Variants in POLK observed in about 807,000 individuals in gnomAD.
The protein encoded by POLK is polymerase (DNA directed) kappa.
In POLK, 76 loss-of-function variants were observed where a neutral mutation model predicts 94.0. The observed-to-expected ratio is 0.81, with a 90% CI of 0.67 to 0.98. The LOEUF (loss-of-function observed/expected upper bound fraction) is 0.98, where lower values mean the gene tolerates loss of function less well. Among genes scored for constraint, POLK ranks in the 50% least tolerant of loss-of-function variants. The pLI is 0.00. For missense variants in POLK, 954 were observed against 1,010.1 expected, an observed-to-expected ratio of 0.94 and a Z score of 0.75; for synonymous variants, 349 against 325.4, an observed-to-expected ratio of 1.07 and a Z score of -0.78.
At chr5:75,599,351 C>T (rs1236800409) in exon 15 of POLK, 3 of 152,012 alleles carry the variant, frequency 2.0e-5, no homozygotes, top group African/African-American at 7.2e-5. Flanking sequence ...TTTCTCTCCC[C>T]TTGCGTTTCA....
At chr5:75,543,014 T>C (rs1561353448) in intron 1 of POLK, among the ~76,000 whole-genome samples, 1 of 125,128 alleles carries the variant, frequency 8.0e-6, no homozygotes, top group South Asian at 2.9e-4. Flanking sequence ...CCCAGCCTTA[T>C]TTATTTATTT....
intron 6 of POLK, among the ~76,000 whole-genome samples, chr5:75,577,873 A>G (rs767509698): frequency 1.6e-4 from 24 of 152,022 alleles, no homozygotes; most frequent in Non-Finnish European, 3.4e-4. Context: ...CTTTTTTTTT[A>G]TAGGAGCATT....
At chr5:75,542,900 A>G (rs1769820868) in intron 1 of POLK, among the ~76,000 whole-genome samples, 1 of 149,752 alleles carries the variant, frequency 6.7e-6, no homozygotes, top group Admixed American at 6.7e-5. Flanking sequence ...TTTAGTAGAG[A>G]TGGGGTTTCA....
intron 1 of POLK, among the ~76,000 whole-genome samples, chr5:75,540,855 ACAAT>A (rs2112608956): frequency 6.6e-6 from 1 of 152,318 alleles, no homozygotes; most frequent in South Asian, 2.1e-4. Context: ...ATTCCAAGAA[ACAAT>A]CAACTCCTAT....
chr5:75,609,572 T>A, the POLK span: 1 of 152,242 alleles, frequency 6.6e-6, no homozygotes, highest in African/African-American at 2.4e-5. Context: ...TTTTAGAATT[T>A]TACTTGTAAA....
intron 1 of POLK, among the ~76,000 whole-genome samples, chr5:75,532,707 G>C (rs112782052): frequency 6.6e-6 from 1 of 152,274 alleles, no homozygotes; most frequent in South Asian, 2.1e-4. Flanking sequence ...CCCACCAGTA[G>C]TGTATGAGTG....
Position 75,512,084 on chromosome 5 carries a change from C to T in POLK, c.-14+170C>T, listed in dbSNP as rs5744542. 1.3e-3 allele frequency: 419 copies of T among 317,900 alleles called. 3 individuals are homozygous for T. Among genetic ancestry groups the T allele is most frequent in the Non-Finnish European group, 2.0e-3 (350 of 171,114 alleles). 19.7% of individuals were successfully genotyped at this position (317,900 alleles called of 1,614,324 possible). A position where few individuals can be genotyped will look rare whatever the true frequency, so the allele number is the denominator to read the frequency against. Reference sequence around the variant, plus strand: ...GGCCCAGACGTGAGAGAGCTTTCCGCTGAAGATGACGGGCCTGCTTTCCAG... The same window carrying T: ...GGCCCAGACGTGAGAGAGCTTTCCGTTGAAGATGACGGGCCTGCTTTCCAG... On this transcript the variant is annotated intron_variant, in intron 1 of 14. Coordinates refer to ENST00000241436, the Ensembl canonical transcript of POLK.
intron 3 of POLK, among the ~76,000 whole-genome samples, chr5:75,554,992 T>C (rs1770543637): frequency 6.6e-6 from 1 of 152,150 alleles, no homozygotes; most frequent in African/African-American, 2.4e-5. Flanking sequence ...AAAGACCTTA[T>C]TTTTCAAAGC....
chr5:75,607,758 A>C, the POLK span, among the ~76,000 whole-genome samples: 1 of 152,190 alleles, frequency 6.6e-6, no homozygotes, highest in African/African-American at 2.4e-5. Context: ...TTTAAGCCAT[A>C]GTTACTTGGG....
chr5:75,603,760 C>T (rs545805528), downstream of POLK, among the ~76,000 whole-genome samples: 6 of 152,314 alleles, frequency 3.9e-5, no homozygotes, highest in African/African-American at 4.8e-5. Context: ...CCAGAATATG[C>T]TTCCTGAATG....
intron 1 of POLK, among the ~76,000 whole-genome samples, chr5:75,518,178 T>C (rs1768406594): frequency 1.3e-5 from 2 of 152,154 alleles, no homozygotes; most frequent in East Asian, 1.9e-4. Context: ...ATTTTTTGTT[T>C]TGTTTTGTTT....
At chr5:75,514,855 A>G (rs1212568468) in intron 1 of POLK, among the ~76,000 whole-genome samples, 1 of 151,416 alleles carries the variant, frequency 6.6e-6, no homozygotes, top group Admixed American at 6.6e-5. Flanking sequence ...ACAAAGTGAG[A>G]CCCTGTCTCA....
chr5:75,561,083 C>T (rs1256840243), intron 3 of POLK, among the ~76,000 whole-genome samples: 2 of 152,240 alleles, frequency 1.3e-5, no homozygotes, highest in African/African-American at 4.8e-5. Flanking sequence ...CTTGAGGAAT[C>T]GCCACACTGT....
At chr5:75,510,953 C>T (rs1274827756), upstream of POLK, among the ~76,000 whole-genome samples, 1 of 152,178 alleles carries the variant, frequency 6.6e-6, no homozygotes, top group African/African-American at 2.4e-5. Context: ...AAGGACAGTG[C>T]CCCTATATCC....
intron 6 of POLK, among the ~76,000 whole-genome samples, chr5:75,580,274 C>T (rs940875428): frequency 6.6e-6 from 1 of 151,724 alleles, no homozygotes; most frequent in Non-Finnish European, 1.5e-5. Flanking sequence ...AATAAAATTA[C>T]GAGATGGGAT....
At chr5:75,550,408 G>A (rs757497427) in intron 2 of POLK, among the ~76,000 whole-genome samples, 70 of 151,926 alleles carry the variant, frequency 4.6e-4, no homozygotes, top group Non-Finnish European at 2.8e-4. Flanking sequence ...GTGAAACCCC[G>A]TCTCTACTAA....
chr5:75,584,041 T>C (rs746635336), intron 8 of POLK, among the ~76,000 whole-genome samples: 17 of 152,214 alleles, frequency 1.1e-4, no homozygotes, highest in Non-Finnish European at 2.4e-4. Context: ...ATGTAATATG[T>C]AATGATTACT....
chr5:75,560,640 G>T (rs1770922569), intron 3 of POLK, among the ~76,000 whole-genome samples: 1 of 152,022 alleles, frequency 6.6e-6, no homozygotes, highest in African/African-American at 2.4e-5. Context: ...TCTACATTAG[G>T]TATTTCTACT....
At chr5:75,584,455 G>A (rs1407680608) in intron 8 of POLK, among the ~76,000 whole-genome samples, 3 of 152,074 alleles carry the variant, frequency 2.0e-5, no homozygotes, top group Non-Finnish European at 4.4e-5. Flanking sequence ...GATCACCTAA[G>A]GTCAGGAGTT....
Sources: gnomAD v4.1 joint callset for allele counts (sites outside exome capture counted in the v4.1 genomes callset) on GRCh38, gnomAD v4.1.1 for gene constraint, MANE v1.5 for transcripts, NCBI Gene and HGNC (gene_info 2026-07-23, HGNC 2026-07-21) for gene names.